DISC1: variants seen among roughly 807,000 people sequenced by gnomAD.
The protein encoded by DISC1 is DISC1 scaffold protein, also known as disrupted in schizophrenia 1 protein.
DISC1 carries 57 observed loss-of-function variants against 84.5 expected under a neutral mutation model. The observed-to-expected ratio is 0.67, with a 90% CI of 0.55 to 0.84. The LOEUF is 0.84. Ranked by LOEUF, DISC1 falls within the 40% of genes least tolerant of loss-of-function variation. The pLI, the probability that DISC1 is intolerant of heterozygous loss-of-function variation, is 0.00. For missense variants in DISC1, 1,000 were observed against 1,057.8 expected, an observed-to-expected ratio of 0.95 and a Z score of 0.76; for synonymous variants, 411 against 415.2, an observed-to-expected ratio of 0.99 and a Z score of 0.12.
chr1:231,819,008 AG>A (rs1400501901), intron 9 of DISC1: 1 of 995,382 alleles, frequency 1.0e-6, no homozygotes, highest in East Asian at 1.1e-4. Context: ...ATGCCGCCTT[AG>A]CCAAAGTGTC....
chr1:231,666,309 G>GAAAAAAAA (rs751745733), intron 1 of DISC1, among the ~76,000 whole-genome samples: 1 of 87,278 alleles, frequency 1.1e-5, no homozygotes, highest in Non-Finnish European at 2.4e-5. Context: ...TTTGTCTCAG[G>GAAAAAAAA]AAAAAAAAAA....
intron 12 of DISC1, among the ~76,000 whole-genome samples, chr1:232,027,208 G>A (rs1250680140): frequency 6.6e-6 from 1 of 152,186 alleles, no homozygotes; most frequent in African/African-American, 2.4e-5. Flanking sequence ...TTTCCTACGA[G>A]CTTTTTCAAT....
At chr1:231,998,796 A>G (rs1251826301) in intron 10 of DISC1, among the ~76,000 whole-genome samples, 1 of 152,204 alleles carries the variant, frequency 6.6e-6, no homozygotes, top group Non-Finnish European at 1.5e-5. Context: ...TTTACTGTTG[A>G]TGACATACAG....
intron 7 of DISC1, among the ~76,000 whole-genome samples, chr1:231,795,803 T>C (rs1415504741): frequency 6.6e-6 from 1 of 151,988 alleles, no homozygotes; most frequent in Non-Finnish European, 1.5e-5. Flanking sequence ...GTAGGAGAAT[T>C]GCTTTAACCC....
intron 10 of DISC1, chr1:231,959,499 G>A: frequency 1.0e-6 from 1 of 985,492 alleles, no homozygotes; most frequent in South Asian, 4.7e-5. Flanking sequence ...AGTGGAATAT[G>A]CGCTTTCTTC....
chr1:231,692,850 G>A (rs1538974), intron 1 of DISC1, among the ~76,000 whole-genome samples: 2 of 151,978 alleles, frequency 1.3e-5, no homozygotes, highest in African/African-American at 2.4e-5. Flanking sequence ...GTTTCGGGTC[G>A]GATTGATTCA....
chr1:231,651,939 T>C (rs946413387), intron 1 of DISC1, among the ~76,000 whole-genome samples: 1 of 152,182 alleles, frequency 6.6e-6, no homozygotes, highest in Admixed American at 6.5e-5. Context: ...GCTAAGACCA[T>C]TGGAAAAACG....
At chr1:231,873,997 A>C (rs529731513) in intron 9 of DISC1, among the ~76,000 whole-genome samples, 1 of 151,752 alleles carries the variant, frequency 6.6e-6, no homozygotes, top group Non-Finnish European at 1.5e-5. Flanking sequence ...ACAGGCATGC[A>C]CCACCACGCC....
At chr1:231,798,220 A>G (rs936340896) in intron 7 of DISC1, among the ~76,000 whole-genome samples, 2 of 152,048 alleles carry the variant, frequency 1.3e-5, no homozygotes, top group African/African-American at 4.8e-5. Flanking sequence ...CATTTCTTAA[A>G]CTCTTATGGG....
At chr1:231,801,882 G>A (rs570846230) in intron 8 of DISC1, among the ~76,000 whole-genome samples, 2 of 150,788 alleles carry the variant, frequency 1.3e-5, no homozygotes, top group East Asian at 2.0e-4. Flanking sequence ...GCAATGGCGC[G>A]ATCTCGGCTC....
intron 9 of DISC1, among the ~76,000 whole-genome samples, chr1:231,825,267 A>G (rs1342712372): frequency 1.3e-5 from 2 of 152,042 alleles, no homozygotes; most frequent in Non-Finnish European, 1.5e-5. Context: ...TTTCAATTAT[A>G]TTTCATACCA....
chr1:231,863,933 G>C (rs60662954), intron 9 of DISC1, among the ~76,000 whole-genome samples: 10,650 of 152,098 alleles, frequency 0.07, 1,057 homozygotes, highest in African/African-American at 0.22. Flanking sequence ...TCACTGTGTC[G>C]CCTGAAGAGA....
intron 8 of DISC1, among the ~76,000 whole-genome samples, chr1:231,812,120 A>T (rs896572629): frequency 2.0e-5 from 3 of 152,136 alleles, no homozygotes; most frequent in Non-Finnish European, 4.4e-5. Flanking sequence ...CAGTGGTATG[A>T]TCATGACTCA....
rs1670035437 is a variant in DISC1 at position 232,031,403 on chromosome 1, A to C, written c.2425+4851A>C. Among the ~76,000 whole-genome samples, 2 of 149,058 alleles carry C rather than the reference A, an allele frequency of 1.3e-5. No homozygotes were observed. The highest frequency in any genetic ancestry group is 3.0e-5 in the Non-Finnish European group (2 of 67,102). ...AGAAGGGAAAGGAAGAGAAGGGAAGAAGGGAAGGGAGAAGAGACAAGGGAA... is the reference window on the plus strand; with the variant it reads ...AGAAGGGAAAGGAAGAGAAGGGAAGCAGGGAAGGGAGAAGAGACAAGGGAA... On this transcript the variant is annotated intron_variant, in intron 12 of 12. Transcript: ENST00000439617. This position sits in a 1 kb window ranked among gnomAD's most constrained non-coding sequence, Gnocchi z 4.6.
intron 3 of DISC1, among the ~76,000 whole-genome samples, chr1:231,731,789 G>A (rs1215545074): frequency 6.6e-6 from 1 of 152,118 alleles, no homozygotes; most frequent in African/African-American, 2.4e-5. Flanking sequence ...GACTTATAAA[G>A]CGTCTTTAAG....
chr1:231,992,735 A>G (rs1665388615), intron 10 of DISC1, among the ~76,000 whole-genome samples: 1 of 152,216 alleles, frequency 6.6e-6, no homozygotes, highest in African/African-American at 2.4e-5. Context: ...ACTTATAAAA[A>G]AGGATTTTAC....
At chr1:231,921,253 T>C (rs950128782) in intron 9 of DISC1, among the ~76,000 whole-genome samples, 1 of 152,112 alleles carries the variant, frequency 6.6e-6, no homozygotes, top group South Asian at 2.1e-4. Context: ...GGCTCAGGGC[T>C]CCAAGGACCG....
At chr1:231,745,249 T>A (rs1307233663) in intron 3 of DISC1, among the ~76,000 whole-genome samples, 2 of 152,076 alleles carry the variant, frequency 1.3e-5, no homozygotes, top group East Asian at 3.9e-4. Context: ...TGAGACGTAG[T>A]TTTCCTCTGT....
chr1:231,925,603 C>G (rs538587274), intron 9 of DISC1, among the ~76,000 whole-genome samples: 1 of 152,326 alleles, frequency 6.6e-6, no homozygotes, highest in Non-Finnish European at 1.5e-5. Flanking sequence ...ATCCTAACCC[C>G]TGATACCTGT....
Sources: gnomAD v4.1 joint callset for allele counts (sites outside exome capture counted in the v4.1 genomes callset) on GRCh38, gnomAD v4.1.1 for gene constraint, Gnocchi (gnomAD v3.1) non-coding constraint, MANE v1.5 for transcripts, NCBI Gene and HGNC (gene_info 2026-07-23, HGNC 2026-07-21) for gene names.